The following NUDCD3 variants were observed in gnomAD, a reference collection of about 807,000 sequenced individuals.
NUDCD3 encodes the protein nudC domain-containing protein 3.
Under a neutral mutation model 39.7 loss-of-function variants are expected in NUDCD3, and 13 were observed. That is an observed-to-expected ratio of 0.33 (90% CI 0.21 to 0.52). The LOEUF is 0.52. Among genes scored for constraint, NUDCD3 ranks in the 20% least tolerant of loss-of-function variants. The pLI is 0.96. For synonymous variants in NUDCD3, 175 were observed against 172.4 expected, an observed-to-expected ratio of 1.02 and a Z score of -0.12; for missense variants, 453 against 458.1, an observed-to-expected ratio of 0.99 and a Z score of 0.10.
intron 1 of NUDCD3, among the ~76,000 whole-genome samples, chr7:44,489,116 T>C (rs1006910074): frequency 1.3e-5 from 2 of 152,234 alleles, no homozygotes; most frequent in African/African-American, 4.8e-5. Context: ...AGCTCTACGG[T>C]GAACTGGCTG....
At chr7:44,432,579 C>T (rs922992681) in intron 2 of NUDCD3, among the ~76,000 whole-genome samples, 1 of 152,216 alleles carries the variant, frequency 6.6e-6, no homozygotes, top group African/African-American at 2.4e-5. Context: ...AAGCTTGCTG[C>T]TCCCCACTTC....
At chr7:44,442,697 T>C (rs1007808955) in intron 2 of NUDCD3, among the ~76,000 whole-genome samples, 21 of 148,382 alleles carry the variant, frequency 1.4e-4, no homozygotes, top group African/African-American at 4.7e-4. Context: ...CCTTTTCTTT[T>C]TTTTTTTTTT....
Position 44,454,094 on chromosome 7 carries a change from C to T in NUDCD3, c.510-26391G>A, listed in dbSNP as rs1486539387. On this transcript the variant is annotated intron_variant, in intron 2 of 5. Transcript: ENST00000355451. ...GTGGCTCACGCCTGTAATCCCAGAA[C>T]TTTGGGAGGCCGAGGCAGGCAGATC... is the stretch of plus-strand genomic sequence containing the variant. 3.3e-5 allele frequency among the ~76,000 whole-genome samples: 5 copies of T among 152,268 alleles called. No individual in the cohort carries two copies. In the East Asian group the frequency reaches 9.7e-4, roughly 29 times the overall value.
chr7:44,416,334 C>T (rs541948473), intron 3 of NUDCD3, among the ~76,000 whole-genome samples: 4 of 152,074 alleles, frequency 2.6e-5, no homozygotes, highest in African/African-American at 9.6e-5. Context: ...AGCAATCTGC[C>T]CACCTCAGCC....
intron 2 of NUDCD3, among the ~76,000 whole-genome samples, chr7:44,448,881 G>C (rs1799735951): frequency 6.6e-6 from 1 of 152,228 alleles, no homozygotes; most frequent in Non-Finnish European, 1.5e-5. Context: ...GCATGATTTA[G>C]AGCATGTTGG....
intron 4 of NUDCD3, 21 bp from the exon 5 acceptor site, chr7:44,392,506 G>A: frequency 6.2e-7 from 1 of 1,610,388 alleles, no homozygotes; most frequent in Non-Finnish European, 8.5e-7. Flanking sequence ...GCAGGACAGA[G>A]ACCTGAGTCA....
intron 4 of NUDCD3, among the ~76,000 whole-genome samples, chr7:44,396,626 A>C (rs541621548): frequency 1.4e-4 from 21 of 151,956 alleles, no homozygotes; most frequent in African/African-American, 4.6e-4. Flanking sequence ...TAAGTCATTG[A>C]GCTGACAAGC....
intron 5 of NUDCD3, among the ~76,000 whole-genome samples, chr7:44,389,442 G>A (rs1455905595): frequency 2.0e-5 from 3 of 152,336 alleles, no homozygotes; most frequent in African/African-American, 7.2e-5. Context: ...ACTTTGGGAG[G>A]CCGAGGCGGG....
At chr7:44,483,067 AGTGTGT>A (rs142842030) in intron 2 of NUDCD3, among the ~76,000 whole-genome samples, 1 of 149,776 alleles carries the variant, frequency 6.7e-6, no homozygotes, top group Admixed American at 6.7e-5. Context: ...AGACCTCCTA[AGTGTGT>A]GTGTGTGTGT....
chr7:44,474,192 A>AG (rs1585104093), intron 2 of NUDCD3, among the ~76,000 whole-genome samples: 1 of 152,184 alleles, frequency 6.6e-6, no homozygotes, highest in African/African-American at 2.4e-5. Context: ...CAAAAAAAAA[A>AG]AAAACCAAGC....
intron 3 of NUDCD3, among the ~76,000 whole-genome samples, chr7:44,408,397 G>A (rs1012554139): frequency 3.3e-5 from 5 of 152,140 alleles, no homozygotes; most frequent in African/African-American, 1.2e-4. Context: ...AGTCTAGAGT[G>A]GAGTTCAGGC....
chr7:44,484,244 T>A (rs1800555777), intron 2 of NUDCD3, among the ~76,000 whole-genome samples: 1 of 152,132 alleles, frequency 6.6e-6, no homozygotes, highest in South Asian at 2.1e-4. Context: ...GATCAGCTCC[T>A]CTCACTCAGA....
chr7:44,451,504 T>C (rs1202598042), intron 2 of NUDCD3, among the ~76,000 whole-genome samples: 1 of 152,236 alleles, frequency 6.6e-6, no homozygotes, highest in Non-Finnish European at 1.5e-5. Context: ...TGTATTGTAC[T>C]GCAATTTTCA....
chr7:44,486,387 A>G (rs1035139737), intron 1 of NUDCD3, among the ~76,000 whole-genome samples: 2 of 152,252 alleles, frequency 1.3e-5, no homozygotes, highest in African/African-American at 4.8e-5. Context: ...AGACAGCATC[A>G]ACATTTCAAA....
intron 2 of NUDCD3, chr7:44,467,764 G>T: frequency 1.5e-6 from 1 of 648,356 alleles, no homozygotes; most frequent in Non-Finnish European, 2.7e-6. Flanking sequence ...CCTTACAACA[G>T]CCCTTTAATT....
chr7:44,468,349 C>CAAAAAAAAAAA (rs77181470), intron 2 of NUDCD3: 20 of 381,080 alleles, frequency 5.2e-5, no homozygotes, highest in Admixed American at 2.5e-4. Flanking sequence ...GTAAAAACTG[C>CAAAAAAAAAAA]AAAAAAAAAA....
At chr7:44,412,782 T>C (rs12155204) in intron 3 of NUDCD3, among the ~76,000 whole-genome samples, 23,087 of 151,724 alleles carry the variant, frequency 0.15, 1,956 homozygotes, top group Non-Finnish European at 0.19. Flanking sequence ...AAAAAATTAG[T>C]TGGGCGTAGT....
chr7:44,386,585 T>TA (rs1227281095), intron 5 of NUDCD3, among the ~76,000 whole-genome samples: 5 of 152,144 alleles, frequency 3.3e-5, no homozygotes, highest in Non-Finnish European at 4.4e-5. Context: ...GCAGAGGAGA[T>TA]ACCCTAGCAC....
intron 2 of NUDCD3, among the ~76,000 whole-genome samples, chr7:44,433,948 C>G (rs902033655): frequency 4.6e-5 from 7 of 152,204 alleles, no homozygotes; most frequent in African/African-American, 1.7e-4. Context: ...TCTGTCAACT[C>G]TTCTCTGCCT....
Sources: allele counts gnomAD v4.1 joint callset (sites outside exome capture counted in the v4.1 genomes callset), GRCh38; gene constraint gnomAD v4.1.1; transcripts MANE v1.5; gene names NCBI Gene and HGNC (gene_info 2026-07-23, HGNC 2026-07-21).